Variants in PCDH7 observed in about 807,000 individuals in gnomAD.
The protein encoded by PCDH7 is protocadherin 7.
PCDH7 carries 17 observed loss-of-function variants against 58.9 expected under a neutral mutation model. The observed-to-expected ratio is 0.29, with a 90% CI of 0.20 to 0.43. PCDH7 has a LOEUF of 0.43. Ranked by LOEUF, PCDH7 falls within the 20% of genes least tolerant of loss-of-function variation. The pLI, the probability that PCDH7 is intolerant of heterozygous loss-of-function variation, is 1.00. For missense variants in PCDH7, 1,274 were observed against 1,441.0 expected (o/e 0.88, Z 1.88); for synonymous variants, 664 against 616.4 (o/e 1.08, Z -1.14).
intron 1 of PCDH7, among the ~76,000 whole-genome samples, chr4:30,808,146 GAACA>G (rs1281227427): frequency 2.0e-5 from 3 of 152,154 alleles, no homozygotes; most frequent in Admixed American, 1.3e-4. Context: ...TTGACTAAAT[GAACA>G]AACAGACTGA....
intron 3 of PCDH7, among the ~76,000 whole-genome samples, chr4:31,016,794 T>G (rs1753639629): frequency 6.6e-6 from 1 of 151,664 alleles, no homozygotes; most frequent in African/African-American, 2.4e-5. Flanking sequence ...TGTGTGTGTG[T>G]GTGTGCGTGT....
At chr4:31,124,949 A>C (rs983004393) in intron 3 of PCDH7, among the ~76,000 whole-genome samples, 3 of 152,208 alleles carry the variant, frequency 2.0e-5, no homozygotes, top group African/African-American at 7.2e-5. Context: ...AGTTTGGCCC[A>C]GCATGCTGTG....
chr4:31,142,970 C>A, downstream of PCDH7: 1 of 600,106 alleles, frequency 1.7e-6, no homozygotes, highest in Non-Finnish European at 2.6e-6. Flanking sequence ...AAAGCTTTGC[C>A]TGCCACTTCT....
intron 3 of PCDH7, among the ~76,000 whole-genome samples, chr4:31,055,730 C>A (rs867949703): frequency 2.6e-5 from 4 of 151,954 alleles, no homozygotes; most frequent in Non-Finnish European, 5.9e-5. Flanking sequence ...GTGCCCACCA[C>A]CATGCCCGGC....
At chr4:30,879,092 TAGAG>T (rs1193075955) in intron 1 of PCDH7, among the ~76,000 whole-genome samples, 1 of 145,972 alleles carries the variant, frequency 6.9e-6, no homozygotes, top group African/African-American at 2.5e-5. Flanking sequence ...CCACTGAACT[TAGAG>T]GGAGATGGAG....
intron 3 of PCDH7, among the ~76,000 whole-genome samples, chr4:31,030,602 A>G (rs1280518559): frequency 6.6e-6 from 1 of 152,216 alleles, no homozygotes; most frequent in East Asian, 1.9e-4. Context: ...CAAGTAGAAA[A>G]AAAGACTGAA....
intron 3 of PCDH7, among the ~76,000 whole-genome samples, chr4:30,974,739 A>G (rs1375588766): frequency 6.6e-6 from 1 of 152,156 alleles, no homozygotes; most frequent in African/African-American, 2.4e-5. Flanking sequence ...AGCAGTTTTA[A>G]ATAAGCATTC....
chr4:31,122,456 A>ATTG (rs1717806164), intron 3 of PCDH7, among the ~76,000 whole-genome samples: 2 of 152,114 alleles, frequency 1.3e-5, no homozygotes, highest in Non-Finnish European at 2.9e-5. Context: ...TTGCTTTTGC[A>ATTG]CTTAAGCTGT....
At chr4:30,744,200 A>C (rs908383605) in intron 1 of PCDH7, among the ~76,000 whole-genome samples, 1 of 152,122 alleles carries the variant, frequency 6.6e-6, no homozygotes, top group Non-Finnish European at 1.5e-5. Context: ...GATTTTAAAC[A>C]CTGAATGTTT....
chr4:30,787,034 A>T (rs1318961626), intron 1 of PCDH7, among the ~76,000 whole-genome samples: 1 of 152,062 alleles, frequency 6.6e-6, no homozygotes, highest in Non-Finnish European at 1.5e-5. Context: ...TAAAGGAGGG[A>T]TGTGAGAGAG....
intron 1 of PCDH7, among the ~76,000 whole-genome samples, chr4:30,745,423 T>A (rs571644530): frequency 6.6e-6 from 1 of 152,268 alleles, no homozygotes; most frequent in East Asian, 1.9e-4. Context: ...ACACTGGTAC[T>A]TGTTATCAGC....
chr4:30,722,983 C>A lies in PCDH7; in HGVS notation c.1561C>A (p.Leu521Met). The change falls in exon 1 of 2, where the codon CTG becomes ATG. Residue 521 changes from leucine to methionine, a missense_variant. Coordinates refer to ENST00000361762, the Ensembl canonical transcript of PCDH7. This position sits in a 1 kb window ranked among gnomAD's most constrained non-coding sequence, Gnocchi z 7.6. ...CCCCAGCCTCTCGAGCAACAACTCCCTGATTGTCAAGGTGGGAGACACCAA... is the reference window on the plus strand; with the variant it reads ...CCCCAGCCTCTCGAGCAACAACTCCATGATTGTCAAGGTGGGAGACACCAA... The A allele has an allele frequency of 6.2e-7, 1 of 1,613,880 alleles. No individual in the cohort carries two copies. The highest frequency in any genetic ancestry group is 8.5e-7 in the Non-Finnish European group (1 of 1,180,040).
At chr4:30,909,576 A>G (rs1360661543) in intron 1 of PCDH7, among the ~76,000 whole-genome samples, 4 of 152,216 alleles carry the variant, frequency 2.6e-5, no homozygotes, top group East Asian at 3.9e-4. Flanking sequence ...CCCATTTGCA[A>G]TTGCTACAAA....
intron 3 of PCDH7, among the ~76,000 whole-genome samples, chr4:31,032,766 A>G (rs1755067562): frequency 6.6e-6 from 1 of 151,802 alleles, no homozygotes; most frequent in Admixed American, 6.6e-5. Context: ...CAAATAATCA[A>G]AATGAGTTAT....
intron 3 of PCDH7, among the ~76,000 whole-genome samples, chr4:30,961,468 C>T (rs1022459943): frequency 3.3e-5 from 5 of 151,758 alleles, no homozygotes; most frequent in African/African-American, 1.2e-4. Flanking sequence ...AGGAGAGTGG[C>T]GTGAACCTGG....
exon 2 of PCDH7, chr4:30,731,098 A>G: frequency 1.9e-6 from 2 of 1,079,272 alleles, no homozygotes; most frequent in Non-Finnish European, 2.2e-6. Flanking sequence ...AAAAAATCCA[A>G]AAGCATATTG....
intron 1 of PCDH7, among the ~76,000 whole-genome samples, chr4:30,835,299 G>A (rs530568659): frequency 6.6e-6 from 1 of 152,114 alleles, no homozygotes; most frequent in Non-Finnish European, 1.5e-5. Flanking sequence ...ACAGGCAAGC[G>A]AGCATTACTG....
At position 30,723,068 on chromosome 4, in the gene PCDH7, T is replaced by A; in HGVS notation, c.1646T>A (p.Ile549Asn). Residue 549 changes from isoleucine (I) to asparagine (N), a missense_variant, in exon 1 of 2, where the codon ATC (isoleucine) becomes AAC (asparagine). Coordinates refer to ENST00000361762, the Ensembl canonical transcript of PCDH7. This position sits in a 1 kb window ranked among gnomAD's most constrained non-coding sequence, Gnocchi z 4.6. ...GAGGTTTACTTCCCTGAGAACAACA[T>A]CCCGGGCGAGAGGGTGGCCACGGTG... 6.2e-7 allele frequency: 1 copy of A among 1,613,768 alleles called. No individual in the cohort carries two copies. Among genetic ancestry groups the A allele is most frequent in the Non-Finnish European group, 8.5e-7 (1 of 1,180,026 alleles).
At chr4:31,035,896 G>A (rs999307574) in intron 3 of PCDH7, among the ~76,000 whole-genome samples, 3 of 152,128 alleles carry the variant, frequency 2.0e-5, no homozygotes, top group African/African-American at 7.2e-5. Context: ...TATATTTATG[G>A]TAGCGATAAG....
Sources: gnomAD v4.1 joint callset for allele counts (sites outside exome capture counted in the v4.1 genomes callset) on GRCh38, gnomAD v4.1.1 for gene constraint, Gnocchi (gnomAD v3.1) non-coding constraint, MANE v1.5 for transcripts, NCBI Gene and HGNC (gene_info 2026-07-23, HGNC 2026-07-21) for gene names.